Variants in SEMA6D observed in about 807,000 individuals in gnomAD.
The protein encoded by SEMA6D is semaphorin 6D, also known as semaphorin-6D.
Under a neutral mutation model 106.6 loss-of-function variants are expected in SEMA6D, and 35 were observed. That is an observed-to-expected ratio of 0.33 (90% CI 0.25 to 0.44). The LOEUF (loss-of-function observed/expected upper bound fraction) is 0.44, where lower values mean the gene tolerates loss of function less well. Ranked by LOEUF, SEMA6D falls within the 20% of genes least tolerant of loss-of-function variation. The pLI is 1.00. For missense variants in SEMA6D, 1,185 were observed against 1,345.9 expected (o/e 0.88, Z 1.87); for synonymous variants, 499 against 487.7 (o/e 1.02, Z -0.31).
intron 1 of SEMA6D, among the ~76,000 whole-genome samples, chr15:47,276,717 C>T (rs1402153082): frequency 6.6e-6 from 1 of 152,138 alleles, no homozygotes; most frequent in African/African-American, 2.4e-5. Flanking sequence ...TGTTTTCATG[C>T]CTGCTAACAA....
chr15:47,763,664 C>CT lies in SEMA6D; in HGVS notation c.748-180dup, dbSNP rs879876941. 3.9e-5 allele frequency among the ~76,000 whole-genome samples: 6 copies of CT among 152,126 alleles called. 1 individual carries two copies. Among genetic ancestry groups the CT allele is most frequent in the Non-Finnish European group, 4.4e-5 (3 of 67,998 alleles). On this transcript the variant is annotated intron_variant, in intron 9 of 18. Coordinates refer to ENST00000536845, the MANE Select transcript of SEMA6D (RefSeq NM_001358351.3). ...TGCTTAGCAAAATAGGAAAGTGGCT[C>CT]TTTTTTCCCCACAGGTGAATCTAGT...
chr15:47,187,085 A>C (rs767383658), intron 1 of SEMA6D, among the ~76,000 whole-genome samples: 36 of 152,306 alleles, frequency 2.4e-4, no homozygotes, highest in Admixed American at 4.6e-4. Flanking sequence ...ACTCTTCCAC[A>C]TGAAGAATGA....
At chr15:47,204,866 G>T (rs1418506108) in intron 1 of SEMA6D, among the ~76,000 whole-genome samples, 1 of 152,086 alleles carries the variant, frequency 6.6e-6, no homozygotes, top group Non-Finnish European at 1.5e-5. Context: ...ACTTGTTAAA[G>T]TATGGGCCTA....
Position 47,759,925 on chromosome 15 carries a change from C to G in SEMA6D, c.109+18C>G, listed in dbSNP as rs780522139. 1 of 1,527,750 alleles carries G rather than the reference C, an allele frequency of 6.5e-7. No individual in the cohort carries two copies. Among genetic ancestry groups the G allele is most frequent in the South Asian group, 1.1e-5 (1 of 89,370 alleles). The allele number at this position is 1,527,750 out of a possible 1,614,324, so 94.6% of individuals were successfully genotyped here. A position where few individuals can be genotyped will look rare whatever the true frequency, so the allele number is the denominator to read the frequency against. Reference sequence around the variant, plus strand: ...CTATCACTGTAAGTCGTCTCAAGAACAGTCTTCTATTCTGAGAAGGAAGCT... The same window carrying G: ...CTATCACTGTAAGTCGTCTCAAGAAGAGTCTTCTATTCTGAGAAGGAAGCT... On this transcript the variant is annotated intron_variant, in intron 2 of 18. Coordinates refer to ENST00000536845, the MANE Select transcript of SEMA6D (RefSeq NM_001358351.3).
chr15:47,662,633 C>A (rs1655552536), intron 4 of SEMA6D, among the ~76,000 whole-genome samples: 1 of 152,132 alleles, frequency 6.6e-6, no homozygotes, highest in Non-Finnish European at 1.5e-5. Context: ...ATATTTACAT[C>A]ATTTGTTGGG....
chr15:47,770,796 C>A lies in SEMA6D; in HGVS notation c.2233C>A (p.Arg745=). 2 of 1,613,958 alleles carry A rather than the reference C, an allele frequency of 1.2e-6. No homozygotes were observed. Among genetic ancestry groups the A allele is most frequent in the Non-Finnish European group, 8.5e-7 (1 of 1,179,962 alleles). The change falls in exon 19 of 19, where the codon CGG becomes AGG. Residue 745 remains arginine, a synonymous_variant. Coordinates refer to ENST00000536845, the MANE Select transcript of SEMA6D (RefSeq NM_001358351.3). ...PKLYSNLLTS[R]KELPPNGDTK... ...ACTGTATAGTAACCTGCTAACCAGT[C>A]GGAAAGAGCTACCACCCAATGGAGA...
At chr15:47,725,547 A>C (rs1596793877) in intron 1 of SEMA6D, among the ~76,000 whole-genome samples, 1 of 147,604 alleles carries the variant, frequency 6.8e-6, no homozygotes, top group African/African-American at 2.5e-5. Context: ...CCACTTTCCC[A>C]CCTCCCTCAC....
At chr15:47,383,221 T>C (rs2039704938) in intron 1 of SEMA6D, among the ~76,000 whole-genome samples, 2 of 152,218 alleles carry the variant, frequency 1.3e-5, no homozygotes, top group South Asian at 2.1e-4. Flanking sequence ...TGATTCCCTA[T>C]GGTCGAGGAG....
intron 1 of SEMA6D, among the ~76,000 whole-genome samples, chr15:47,411,298 T>G (rs1452860969): frequency 6.6e-6 from 1 of 152,054 alleles, no homozygotes; most frequent in Non-Finnish European, 1.5e-5. Flanking sequence ...GGTTTCGCTG[T>G]GTTAGCCAGG....
At chr15:47,223,036 C>G (rs990118962) in intron 1 of SEMA6D, among the ~76,000 whole-genome samples, 1 of 152,132 alleles carries the variant, frequency 6.6e-6, no homozygotes, top group Non-Finnish European at 1.5e-5. Context: ...ATAGTGTTGG[C>G]TGCTTACTGA....
chr15:47,210,722 A>T (rs2029904175), intron 1 of SEMA6D, among the ~76,000 whole-genome samples: 2 of 134,312 alleles, frequency 1.5e-5, no homozygotes, highest in Admixed American at 1.8e-4. Flanking sequence ...CCGAGATAGC[A>T]CCACTGCAGT....
At chr15:47,227,001 A>G (rs1043864262) in intron 1 of SEMA6D, among the ~76,000 whole-genome samples, 27 of 152,020 alleles carry the variant, frequency 1.8e-4, no homozygotes, top group Admixed American at 3.3e-4. Context: ...TTCCCAAACA[A>G]GCTTTTCCTC....
chr15:47,767,190 C>A, intron 17 of SEMA6D, 97 bp downstream of exon 17: 1 of 771,022 alleles, frequency 1.3e-6, no homozygotes, highest in Non-Finnish European at 2.1e-6. Flanking sequence ...AGTTTGGCAG[C>A]CCTTCATTTT....
At chr15:47,626,942 C>T (rs2077213262) in intron 4 of SEMA6D, among the ~76,000 whole-genome samples, 1 of 151,980 alleles carries the variant, frequency 6.6e-6, no homozygotes, top group African/African-American at 2.4e-5. Flanking sequence ...GAACAGGAGG[C>T]ACAAAGGAAC....
chr15:47,438,584 A>C (rs2041792224), intron 2 of SEMA6D, among the ~76,000 whole-genome samples: 1 of 151,550 alleles, frequency 6.6e-6, no homozygotes, highest in South Asian at 2.1e-4. Context: ...CCTGAAACCC[A>C]CCTTACATGG....
chr15:47,649,307 C>T (rs927631292), intron 4 of SEMA6D, among the ~76,000 whole-genome samples: 3 of 152,148 alleles, frequency 2.0e-5, no homozygotes, highest in Admixed American at 1.3e-4. Flanking sequence ...AAATGTCTGA[C>T]ACAAATGTCA....
At chr15:47,427,610 A>G (rs893561146) in intron 2 of SEMA6D, among the ~76,000 whole-genome samples, 1 of 152,126 alleles carries the variant, frequency 6.6e-6, no homozygotes, top group African/African-American at 2.4e-5. Flanking sequence ...TGACATTACA[A>G]ATATTTGCTA....
At chr15:47,763,159 C>A in intron 9 of SEMA6D, 55 bp downstream of exon 9, 1 of 1,364,782 alleles carries the variant, frequency 7.3e-7, no homozygotes, top group South Asian at 1.3e-5. Flanking sequence ...AAATTGAGAC[C>A]ACTGTGATAG....
intron 1 of SEMA6D, among the ~76,000 whole-genome samples, chr15:47,728,778 T>C (rs1227643928): frequency 1.3e-5 from 2 of 152,160 alleles, no homozygotes; most frequent in Non-Finnish European, 1.5e-5. Context: ...CGTGACCCTT[T>C]TCCTCCATCT....
Sources: allele counts gnomAD v4.1 joint callset (sites outside exome capture counted in the v4.1 genomes callset), GRCh38; gene constraint gnomAD v4.1.1; transcripts MANE v1.5; gene names NCBI Gene and HGNC (gene_info 2026-07-23, HGNC 2026-07-21).